The following ZNF385D variants were observed in gnomAD, a reference collection of about 807,000 sequenced individuals.
ZNF385D encodes zinc finger protein 659.
Under a neutral mutation model 35.8 loss-of-function variants are expected in ZNF385D, and 15 were observed. The observed-to-expected ratio is 0.42, with a 90% CI of 0.28 to 0.64. ZNF385D has a LOEUF of 0.64. Ranked by LOEUF, ZNF385D falls within the 30% of genes least tolerant of loss-of-function variation. The pLI is 0.23. For missense variants in ZNF385D, 474 were observed against 494.6 expected (o/e 0.96, Z 0.39); for synonymous variants, 212 against 186.8 (o/e 1.13, Z -1.10).
At chr3:22,100,689 G>C (rs1423181148) in intron 3 of ZNF385D, among the ~76,000 whole-genome samples, 1 of 119,986 alleles carries the variant, frequency 8.3e-6, no homozygotes, top group African/African-American at 3.1e-5. Context: ...GTTGTGGGGT[G>C]GGGGGAGGGG....
intron 2 of ZNF385D, among the ~76,000 whole-genome samples, chr3:21,651,535 T>A (rs908355647): frequency 2.0e-5 from 3 of 151,994 alleles, no homozygotes; most frequent in Non-Finnish European, 4.4e-5. Context: ...TTCTCTTTTT[T>A]TTTTTCTTTT....
intron 2 of ZNF385D, among the ~76,000 whole-genome samples, chr3:22,251,665 C>T (rs1700070488): frequency 6.6e-6 from 1 of 151,994 alleles, no homozygotes; most frequent in Non-Finnish European, 1.5e-5. Flanking sequence ...AAAATGTCTC[C>T]AACATTGCCA....
intron 3 of ZNF385D, among the ~76,000 whole-genome samples, chr3:21,918,241 T>C (rs1700288875): frequency 1.3e-5 from 2 of 152,176 alleles, no homozygotes; most frequent in Admixed American, 1.3e-4. Flanking sequence ...AGACAGTGGA[T>C]GAGTCTTAGG....
chr3:21,977,825 A>G (rs1012504099), intron 3 of ZNF385D, among the ~76,000 whole-genome samples: 48 of 152,000 alleles, frequency 3.2e-4, no homozygotes, highest in Admixed American at 1.2e-3. Flanking sequence ...AACAGAGCAA[A>G]ACCCTGTCTC....
At chr3:21,781,817 C>T (rs928742055) in intron 3 of ZNF385D, among the ~76,000 whole-genome samples, 1 of 137,686 alleles carries the variant, frequency 7.3e-6, no homozygotes, top group East Asian at 2.0e-4. Context: ...GATTTCTGGC[C>T]CATAGGTCAA....
intron 3 of ZNF385D, among the ~76,000 whole-genome samples, chr3:21,891,617 T>C (rs259525): frequency 0.13 from 19,785 of 152,218 alleles, 1,597 homozygotes; most frequent in Middle Eastern, 0.17. Context: ...TAAATATTCA[T>C]TGATGGAATG....
At position 22,083,071 on chromosome 3, in the gene ZNF385D, T is replaced by A. The variant is rs1700840724; in HGVS notation, c.325+85746A>T. On this transcript the variant is annotated intron_variant, in intron 3 of 5. Coordinates refer to the ZNF385D transcript ENST00000494108. Reference sequence around the variant, plus strand: ...GACATTCACACCAAATCCTCATCTGTAGGTCACCATCATCAAAGACCAAAG... The same window carrying A: ...GACATTCACACCAAATCCTCATCTGAAGGTCACCATCATCAAAGACCAAAG... 2.0e-5 allele frequency among the ~76,000 whole-genome samples: 3 copies of A among 152,176 alleles called. No individual in the cohort carries two copies. In the South Asian group the frequency reaches 6.2e-4, roughly 32 times the overall value.
intron 3 of ZNF385D, among the ~76,000 whole-genome samples, chr3:21,875,835 G>C (rs1205409693): frequency 6.6e-6 from 1 of 151,954 alleles, no homozygotes; most frequent in Non-Finnish European, 1.5e-5. Flanking sequence ...ACTACTCAAA[G>C]AGTAGATCTG....
chr3:21,989,156 A>C (rs1488105907), intron 3 of ZNF385D, among the ~76,000 whole-genome samples: 1 of 152,094 alleles, frequency 6.6e-6, no homozygotes, highest in Non-Finnish European at 1.5e-5. Flanking sequence ...AGCTGTTCCT[A>C]TTCGGCCATC....
At chr3:22,014,906 C>T (rs1379521856) in intron 3 of ZNF385D, among the ~76,000 whole-genome samples, 1 of 151,992 alleles carries the variant, frequency 6.6e-6, no homozygotes, top group Non-Finnish European at 1.5e-5. Context: ...TACAAATTAA[C>T]GTGGAAACTG....
intron 1 of ZNF385D, among the ~76,000 whole-genome samples, chr3:21,715,709 C>T (rs927292423): frequency 2.0e-5 from 3 of 152,072 alleles, no homozygotes; most frequent in African/African-American, 4.8e-5. Flanking sequence ...CCTTATAACT[C>T]ACCAAATTTC....
chr3:21,808,858 T>C (rs143167325), intron 3 of ZNF385D, among the ~76,000 whole-genome samples: 252 of 152,320 alleles, frequency 1.7e-3, no homozygotes, highest in African/African-American at 5.6e-3. Flanking sequence ...AAGTCTCAGA[T>C]TGACCTCTGG....
At chr3:22,198,200 C>T (rs1235884563) in intron 2 of ZNF385D, among the ~76,000 whole-genome samples, 6 of 151,960 alleles carry the variant, frequency 3.9e-5, no homozygotes, top group Non-Finnish European at 8.8e-5. Flanking sequence ...TTTCTAGTAG[C>T]TGGATTTGGC....
At chr3:21,821,859 G>A (rs1014189250) in intron 3 of ZNF385D, among the ~76,000 whole-genome samples, 7 of 151,358 alleles carry the variant, frequency 4.6e-5, no homozygotes, top group Admixed American at 2.6e-4. Flanking sequence ...CCAGGTACTC[G>A]GGAGGCTGAG....
In ZNF385D at chr3:21,928,317, GAGGA is replaced by G. The variant is rs201113225; in HGVS notation, c.325+240496_325+240499del. Among the ~76,000 whole-genome samples, 310 of 141,968 alleles carry G rather than the reference GAGGA, an allele frequency of 2.2e-3. 1 individual carries two copies. Among genetic ancestry groups the G allele is most frequent in the Non-Finnish European group, 3.4e-3 (222 of 64,734 alleles). The allele number at this position is 141,968 out of a possible 152,430, so 93.1% of individuals were successfully genotyped here. A position where few individuals can be genotyped will look rare whatever the true frequency, so the allele number is the denominator to read the frequency against. On this transcript the variant is annotated intron_variant, in intron 3 of 5. Coordinates refer to the ZNF385D transcript ENST00000494108. The stretch of plus-strand genomic sequence containing the variant: ...AGGAGGGAGGAAGGAAGGTAGGAGG[GAGGA>G]AGGAAGGAAGGAGGGAGGGAGGGAG...
At chr3:21,602,741 G>A (rs1306062190) in intron 2 of ZNF385D, among the ~76,000 whole-genome samples, 9 of 150,674 alleles carry the variant, frequency 6.0e-5, no homozygotes, top group Middle Eastern at 3.4e-3. Flanking sequence ...CACCTTGTTA[G>A]CCAGGATGGT....
chr3:21,831,906 G>C (rs965185600), intron 3 of ZNF385D, among the ~76,000 whole-genome samples: 1 of 152,146 alleles, frequency 6.6e-6, no homozygotes, highest in Non-Finnish European at 1.5e-5. Flanking sequence ...GAAGCTTAGA[G>C]ACATATTTAT....
chr3:21,775,453 T>G (rs2125623011), intron 3 of ZNF385D, among the ~76,000 whole-genome samples: 1 of 151,980 alleles, frequency 6.6e-6, no homozygotes, highest in Middle Eastern at 3.4e-3. Flanking sequence ...AAGGAGGGCT[T>G]GGAAAGTACT....
rs180692839 is a variant in ZNF385D at position 21,981,455 on chromosome 3, C to A, written c.325+187362G>T. On this transcript the variant is annotated intron_variant, in intron 3 of 5. Coordinates refer to the ZNF385D transcript ENST00000494108. ...CGAATTTTTAAGTTCCTTATAGATG[C>A]TGGATGTTACACCTTTGTCAGATGC... Among the ~76,000 whole-genome samples the A allele has an allele frequency of 9.2e-4, 140 of 152,192 alleles. 2 individuals carry two copies. Among genetic ancestry groups the A allele is most frequent in the Admixed American group, 7.8e-3 (119 of 15,278 alleles).
Sources: gnomAD v4.1 joint callset for allele counts (sites outside exome capture counted in the v4.1 genomes callset) on GRCh38, gnomAD v4.1.1 for gene constraint, MANE v1.5 for transcripts, NCBI Gene and HGNC (gene_info 2026-07-23, HGNC 2026-07-21) for gene names.